The following P2RX3 variants were observed in gnomAD, a reference collection of about 807,000 sequenced individuals.
The protein encoded by P2RX3 is P2X purinoceptor 3.
A neutral mutation model predicts 51.5 loss-of-function variants in P2RX3; 41 were observed. The observed-to-expected ratio is 0.80, with a 90% CI of 0.62 to 1.03. The LOEUF (loss-of-function observed/expected upper bound fraction) is 1.03. P2RX3 is among the 50% of genes least tolerant of loss of function. The pLI is 0.00. For synonymous variants in P2RX3, 185 were observed against 191.6 expected (o/e 0.97, Z 0.29); for missense variants, 459 against 522.1 (o/e 0.88, Z 1.18).
At chr11:57,368,623 C>A (rs1226593579) in intron 10 of P2RX3, among the ~76,000 whole-genome samples, 186 bp downstream of exon 10, 3 of 152,238 alleles carry the variant, frequency 2.0e-5, no homozygotes, top group African/African-American at 7.2e-5. Context: ...GCTGGAACGT[C>A]TCCAGTCATG....
intron 8 of P2RX3, among the ~76,000 whole-genome samples, chr11:57,352,309 A>T (rs1229946715): frequency 6.6e-6 from 1 of 152,196 alleles, no homozygotes; most frequent in Non-Finnish European, 1.5e-5. Flanking sequence ...TACTTTCATC[A>T]TCAACTCCAA....
chr11:57,342,194 C>G lies in P2RX3; in HGVS notation c.119+3525C>G, dbSNP rs546827471. ...TTTTTTTTTGAGACGGAGCCTTGCTCTGTCCCTCAGGCCGGAGTGCAGTGG... is the reference window on the plus strand; with the variant it reads ...TTTTTTTTTGAGACGGAGCCTTGCTGTGTCCCTCAGGCCGGAGTGCAGTGG... On this transcript the variant is annotated intron_variant, in intron 1 of 11. Transcript: ENST00000263314. Among the ~76,000 whole-genome samples the G allele has an allele frequency of 8.0e-5, 9 of 112,480 alleles. No individual in the cohort carries two copies. The South Asian group carries it at 9.4e-4, about 12-fold the overall frequency. 73.8% of individuals were successfully genotyped at this position (112,480 alleles called of 152,430 possible).
At chr11:57,361,320 A>T (rs964611378) in intron 8 of P2RX3, among the ~76,000 whole-genome samples, 4 of 151,758 alleles carry the variant, frequency 2.6e-5, no homozygotes, top group Non-Finnish European at 5.9e-5. Context: ...TCTGGGATAC[A>T]TGTGCAGGAC....
At chr11:57,351,331 T>G (rs1426297904) in intron 8 of P2RX3, among the ~76,000 whole-genome samples, 1 of 152,236 alleles carries the variant, frequency 6.6e-6, no homozygotes, top group East Asian at 1.9e-4. Context: ...TTTTACATTT[T>G]ACAAGATGGC....
chr11:57,355,096 C>G (rs1856607496), intron 8 of P2RX3, among the ~76,000 whole-genome samples: 1 of 152,174 alleles, frequency 6.6e-6, no homozygotes, highest in South Asian at 2.1e-4. Flanking sequence ...CCCACTGAGG[C>G]AGCCCAGGGC....
rs745949693 is a variant in P2RX3 at position 57,370,146 on chromosome 11, G to C, written c.*149G>C. The C allele has an allele frequency of 1.6e-6, 1 of 619,336 alleles. No individual in the cohort carries two copies. The highest frequency in any genetic ancestry group is 1.8e-5 in the African/African-American group (1 of 54,270). 38.4% of individuals were successfully genotyped at this position (619,336 alleles called of 1,614,324 possible). Reference sequence around the variant, plus strand: ...CTGGGACCCAAGTGTCTGGGCCTCCGACTGCTCCAGCAGACAGGCAGTGCT... The same window carrying C: ...CTGGGACCCAAGTGTCTGGGCCTCCCACTGCTCCAGCAGACAGGCAGTGCT... On this transcript the variant is annotated 3_prime_UTR_variant, in exon 12 of 12. Transcript: ENST00000263314.
In P2RX3 at chr11:57,346,688, C is replaced by A. The variant is rs751091087; in HGVS notation, c.255+9C>A. 1.2e-6 allele frequency: 2 copies of A among 1,612,860 alleles called. No homozygotes were observed. The highest frequency in any genetic ancestry group is 1.3e-5 in the African/African-American group (1 of 74,892). ...ACGTGACGCCACCTCAGGTATGGTA[C>A]CCCTACCCAGAGAGGCATGTGGATG... On this transcript the variant is annotated intron_variant, in intron 2 of 11. Coordinates refer to ENST00000263314, the MANE Select transcript of P2RX3 (RefSeq NM_002559.5).
intron 2 of P2RX3, 66 bp downstream of exon 2, chr11:57,346,745 G>T (rs1046475820): frequency 2.5e-6 from 4 of 1,582,594 alleles, no homozygotes; most frequent in African/African-American, 2.7e-5. Context: ...AAGGGAGAAA[G>T]CGAGCAAAGA....
rs1359092777 is a variant in P2RX3 at position 57,368,028 on chromosome 11, A to G, written c.862A>G (p.Met288Val). 6.2e-7 allele frequency: 1 copy of G among 1,614,130 alleles called. No homozygotes were observed. The highest frequency in any genetic ancestry group is 1.7e-5 in the Admixed American group (1 of 60,024). Residue 288 changes from methionine (M) to valine (V), a missense_variant, in exon 9 of 12, where the codon ATG becomes GTG. Coordinates refer to ENST00000263314, the MANE Select transcript of P2RX3 (RefSeq NM_002559.5). ...YNFRFAKYYK[M>V]ENGSEYRTLL... ...CTCCAGGTTTGCCAAGTACTACAAAATGGAAAATGGCAGTGAGTACCGCAC... is the reference window on the plus strand; with the variant it reads ...CTCCAGGTTTGCCAAGTACTACAAAGTGGAAAATGGCAGTGAGTACCGCAC...
At chr11:57,348,089 G>A (rs1156852610) in intron 4 of P2RX3, 81 bp from the exon 5 acceptor site, 1 of 1,260,738 alleles carries the variant, frequency 7.9e-7, no homozygotes, top group Admixed American at 2.4e-5. Flanking sequence ...GGTCCCTGAT[G>A]GGGGGAAGGG....
chr11:57,369,730 G>A (rs1032487143), intron 11 of P2RX3, among the ~76,000 whole-genome samples, 154 bp from the exon 12 acceptor site: 14 of 152,200 alleles, frequency 9.2e-5, no homozygotes, highest in South Asian at 4.2e-4. Flanking sequence ...GTTTGCCCTC[G>A]GGGTACATGG....
At chr11:57,338,690 G>T (rs1227081253) in intron 1 of P2RX3, 21 bp downstream of exon 1, 2 of 1,537,900 alleles carry the variant, frequency 1.3e-6, no homozygotes, top group Non-Finnish European at 1.8e-6. Flanking sequence ...GGCCTTTCAG[G>T]TTCCTGGCGG....
At position 57,350,031 on chromosome 11, in the gene P2RX3, C is replaced by A; in HGVS notation, c.705+133C>A. Reference sequence around the variant, plus strand: ...GCCACCTGGTGGAAGCATCCCAGGCCGCCACTGGCTTTGTGCCTGAATCCT... The same window carrying A: ...GCCACCTGGTGGAAGCATCCCAGGCAGCCACTGGCTTTGTGCCTGAATCCT... On this transcript the variant is annotated intron_variant, in intron 7 of 11. Coordinates refer to ENST00000263314, the MANE Select transcript of P2RX3 (RefSeq NM_002559.5). 3 of 1,365,028 alleles carry A rather than the reference C, an allele frequency of 2.2e-6. No individual in the cohort carries two copies. The South Asian group carries it at 4.1e-5, about 19-fold the overall frequency. 84.6% of individuals were successfully genotyped at this position (1,365,028 alleles called of 1,614,324 possible). A position where few individuals can be genotyped will look rare whatever the true frequency, so the allele number is the denominator to read the frequency against.
chr11:57,357,390 A>G (rs1856647749), intron 8 of P2RX3, among the ~76,000 whole-genome samples: 2 of 152,192 alleles, frequency 1.3e-5, no homozygotes, highest in South Asian at 2.1e-4. Flanking sequence ...GGTTTCATCT[A>G]CCTGTCCAAG....
At chr11:57,350,438 A>G (rs1856524266) in intron 7 of P2RX3, 1 of 252,262 alleles carries the variant, frequency 4.0e-6, no homozygotes, top group Non-Finnish European at 7.7e-6. Context: ...AGCTGGGACC[A>G]AGCCCGGCTA....
At chr11:57,364,193 C>A (rs1018683429) in intron 8 of P2RX3, among the ~76,000 whole-genome samples, 5 of 152,196 alleles carry the variant, frequency 3.3e-5, no homozygotes, top group African/African-American at 1.2e-4. Flanking sequence ...CTGCCCACTA[C>A]CCATGGGCAT....
rs763021248 is a variant in P2RX3 at position 57,349,813 on chromosome 11, C to T, written c.620C>T (p.Pro207Leu). Reference sequence around the variant, plus strand: ...GACATGAAGACCTGCCGCTTCCACCCGGACAAGGACCCTTTCTGCCCCATC... The same window carrying T: ...GACATGAAGACCTGCCGCTTCCACCTGGACAAGGACCCTTTCTGCCCCATC... ...ARDMKTCRFH[P>L]DKDPFCPILR... Residue 207 changes from proline to leucine, a missense_variant, in exon 7 of 12, where the codon CCG becomes CTG. By Grantham distance (98) the Pro-to-Leu change is moderately conservative. Coordinates refer to ENST00000263314, the MANE Select transcript of P2RX3 (RefSeq NM_002559.5). 1.2e-5 allele frequency: 20 copies of T among 1,614,216 alleles called. No individual in the cohort carries two copies. In the East Asian group the frequency reaches 4.2e-4, roughly 34 times the overall value.
Position 57,368,395 on chromosome 11 carries a change from C to G in P2RX3, c.960C>G (p.Pro320=). The part of the protein sequence containing the change: ...YGNAGKFNII[P]TIISSVAAFT... ...AGGCTGGCAAGTTCAACATCATCCC[C>G]ACCATCATCAGCTCTGTGGCGGCCT... is the stretch of plus-strand genomic sequence containing the variant. Residue 320 remains proline, a synonymous_variant, in exon 10 of 12, where the codon CCC becomes CCG. Coordinates refer to ENST00000263314, the MANE Select transcript of P2RX3 (RefSeq NM_002559.5). The G allele has an allele frequency of 1.2e-6, 2 of 1,614,198 alleles. No homozygotes were observed. The highest frequency in any genetic ancestry group is 1.7e-6 in the Non-Finnish European group (2 of 1,180,028).
At chr11:57,349,980 C>A (rs1856514677) in intron 7 of P2RX3, 82 bp downstream of exon 7, 1 of 1,571,122 alleles carries the variant, frequency 6.4e-7, no homozygotes, top group Non-Finnish European at 8.6e-7. Context: ...TTGGCCGGCA[C>A]TGGCCAGGAG....
Sources: allele counts gnomAD v4.1 joint callset (sites outside exome capture counted in the v4.1 genomes callset), GRCh38; gene constraint gnomAD v4.1.1; transcripts MANE v1.5; gene names NCBI Gene and HGNC (gene_info 2026-07-23, HGNC 2026-07-21).